The following MYO10 variants were observed in gnomAD, a reference collection of about 807,000 sequenced individuals.
The protein encoded by MYO10 is unconventional myosin-X.
Under a neutral mutation model 257.3 loss-of-function variants are expected in MYO10, and 133 were observed. The ratio of observed to expected loss-of-function variants is 0.52; its 90% confidence interval spans 0.45 to 0.60. MYO10 has a LOEUF of 0.60. Ranked by LOEUF, MYO10 falls within the 20% of genes least tolerant of loss-of-function variation. The probability of loss-of-function intolerance (pLI) is 0.00; values close to 1 mark genes in which losing one functional copy is unlikely to be tolerated. For synonymous variants in MYO10, 1,104 were observed against 1,028.6 expected (o/e 1.07, Z -1.40); for missense variants, 2,399 against 2,635.7 (o/e 0.91, Z 1.97).
chr5:16,700,269 G>A (rs1737981370), intron 25 of MYO10, among the ~76,000 whole-genome samples: 1 of 152,124 alleles, frequency 6.6e-6, no homozygotes, highest in African/African-American at 2.4e-5. Flanking sequence ...TCTTGTTCCA[G>A]TTCAGGATGT....
At chr5:16,865,543 T>C (rs1482020619) in intron 2 of MYO10, among the ~76,000 whole-genome samples, 3 of 152,078 alleles carry the variant, frequency 2.0e-5, no homozygotes, top group Non-Finnish European at 4.4e-5. Flanking sequence ...AAAAATAAAT[T>C]ACAATGCCTG....
rs1465510649 is a variant in MYO10 at position 16,701,204 on chromosome 5, T to C, written c.3191A>G (p.His1064Arg). The change falls in exon 25 of 41, where the codon CAC becomes CGC. Residue 1064 changes from histidine to arginine, a missense_variant. This residue lies in a region of MYO10 where 1,820 missense variants were observed against 1,939.4 expected (regional missense o/e 0.94). Transcript: ENST00000513610. This position sits in a 1 kb window ranked among gnomAD's most constrained non-coding sequence, Gnocchi z 8.1. ...GGTGGACTCGCCGCTGGAGGAGTTG[T>C]GTAGGCTCCCGGAGTCCTGCACTGA... ...APSVQDSGSLHNSSSGESTYC... is the reference protein window; with the variant it reads ...APSVQDSGSLRNSSSGESTYC... 1.2e-6 allele frequency: 2 copies of C among 1,611,212 alleles called. No homozygotes were observed. The highest frequency in any genetic ancestry group is 1.1e-5 in the South Asian group (1 of 90,404).
chr5:16,784,683 T>C (rs1741521815), intron 4 of MYO10, among the ~76,000 whole-genome samples: 1 of 152,182 alleles, frequency 6.6e-6, no homozygotes, highest in Non-Finnish European at 1.5e-5. Flanking sequence ...AACCGCTGAA[T>C]GGTGGGATGG....
intron 2 of MYO10, among the ~76,000 whole-genome samples, chr5:16,833,050 C>A (rs1178197777): frequency 6.6e-6 from 1 of 152,192 alleles, no homozygotes; most frequent in South Asian, 2.1e-4. Context: ...GGCTCCAGTA[C>A]TAACATCTTT....
At chr5:16,816,431 C>T (rs1158085681) in intron 3 of MYO10, among the ~76,000 whole-genome samples, 2 of 151,054 alleles carry the variant, frequency 1.3e-5, no homozygotes, top group Non-Finnish European at 1.5e-5. Flanking sequence ...CTTTCTCTTT[C>T]CCAGCTCCTT....
At chr5:16,694,759 T>A in intron 26 of MYO10, 145 bp from the exon 27 acceptor site, 4 of 1,060,426 alleles carry the variant, frequency 3.8e-6, no homozygotes, top group Non-Finnish European at 5.5e-6. Context: ...CAGTGAGGAG[T>A]GGCACTGCTA....
At chr5:16,874,992 C>T (rs143252418) in intron 2 of MYO10, among the ~76,000 whole-genome samples, 2 of 152,052 alleles carry the variant, frequency 1.3e-5, no homozygotes, top group East Asian at 1.9e-4. Flanking sequence ...GAAGCAAAAG[C>T]GGAAACCCCT....
At chr5:16,711,704 C>T (rs1468508726) in intron 19 of MYO10, among the ~76,000 whole-genome samples, 1 of 152,040 alleles carries the variant, frequency 6.6e-6, no homozygotes, top group Non-Finnish European at 1.5e-5. Flanking sequence ...ATTGCTTGAA[C>T]CCGGGAGGCA....
intron 35 of MYO10, 58 bp from the exon 36 acceptor site, chr5:16,673,947 G>T: frequency 6.6e-7 from 1 of 1,510,190 alleles, no homozygotes; most frequent in Non-Finnish European, 9.2e-7. Context: ...CTGCTGGGAG[G>T]AACTAGGCTG....
intron 17 of MYO10, among the ~76,000 whole-genome samples, chr5:16,760,959 C>T (rs1579959879): frequency 6.9e-6 from 1 of 144,186 alleles, no homozygotes; most frequent in Admixed American, 6.8e-5. Context: ...GCAGTCATTG[C>T]TTATATTATT....
chr5:16,668,394 T>C lies in MYO10; in HGVS notation c.5958A>G (p.Gly1986=), dbSNP rs747832781. The part of the protein sequence containing the change: ...SADAVSVYKR[G]EGRPLEVFQY... ...GGAAGACTTCCAGTGGTCTTCCCTC[T>C]CCACGCTTGTAGACGGAGACGGCGT... The change falls in exon 40 of 41, where the codon GGA becomes GGG. Residue 1986 remains glycine (G), a synonymous_variant. Coordinates refer to ENST00000513610, the MANE Select transcript of MYO10 (RefSeq NM_012334.3). 2 of 1,613,970 alleles carry C rather than the reference T, an allele frequency of 1.2e-6. No homozygotes were observed. Among genetic ancestry groups the C allele is most frequent in the Middle Eastern group, 1.6e-4 (1 of 6,062 alleles).
At chr5:16,881,231 A>T (rs1183304355) in intron 1 of MYO10, among the ~76,000 whole-genome samples, 1 of 152,220 alleles carries the variant, frequency 6.6e-6, no homozygotes, top group Non-Finnish European at 1.5e-5. Flanking sequence ...GAGATTATGC[A>T]ACATTATCAA....
chr5:16,864,148 A>AT (rs34764765), intron 2 of MYO10, among the ~76,000 whole-genome samples: 3,787 of 134,460 alleles, frequency 0.028, 78 homozygotes, highest in African/African-American at 0.047. Flanking sequence ...CTATGTGGCT[A>AT]TTTTTTTTTT....
chr5:16,681,051 C>T (rs891625241), intron 32 of MYO10, among the ~76,000 whole-genome samples: 4 of 152,130 alleles, frequency 2.6e-5, no homozygotes, highest in African/African-American at 7.2e-5. Flanking sequence ...CCAAGCTTCC[C>T]GTACGATGCC....
intron 2 of MYO10, among the ~76,000 whole-genome samples, chr5:16,857,640 C>G (rs1440752388): frequency 1.3e-5 from 2 of 152,228 alleles, no homozygotes; most frequent in East Asian, 1.9e-4. Context: ...AGGTCCTCAT[C>G]AATTGAGCCT....
intron 19 of MYO10, among the ~76,000 whole-genome samples, chr5:16,734,666 G>A (rs74934137): frequency 0.076 from 11,623 of 152,142 alleles, 545 homozygotes; most frequent in South Asian, 0.14. Context: ...TTAGCCGGAC[G>A]TGGTGGCGCA....
intron 1 of MYO10, among the ~76,000 whole-genome samples, chr5:16,883,942 C>G (rs1351317233): frequency 6.6e-6 from 1 of 152,200 alleles, no homozygotes; most frequent in Non-Finnish European, 1.5e-5. Flanking sequence ...GCCAAACATA[C>G]AACTTAGTCT....
intron 2 of MYO10, among the ~76,000 whole-genome samples, chr5:16,826,321 G>T (rs1468099444): frequency 1.3e-5 from 2 of 152,096 alleles, no homozygotes; most frequent in South Asian, 2.1e-4. Context: ...TATTTTCTCC[G>T]TCTGTAAAAT....
intron 2 of MYO10, among the ~76,000 whole-genome samples, chr5:16,858,422 A>T (rs1744023083): frequency 6.7e-6 from 1 of 148,344 alleles, no homozygotes; most frequent in East Asian, 2.0e-4. Context: ...GCTTTCAAAA[A>T]AGCTAGATGC....
Sources: gnomAD v4.1 joint callset for allele counts (sites outside exome capture counted in the v4.1 genomes callset) on GRCh38, gnomAD v4.1.1 for gene constraint, gnomAD v4.1.1 regional missense constraint, Gnocchi (gnomAD v3.1) non-coding constraint, MANE v1.5 for transcripts, NCBI Gene and HGNC (gene_info 2026-07-23, HGNC 2026-07-21) for gene names.